DCDC1: variants seen among roughly 807,000 people sequenced by gnomAD.
DCDC1 encodes the protein doublecortin domain containing 1, also known as doublecortin domain-containing protein 1.
A neutral mutation model predicts 178.3 loss-of-function variants in DCDC1; 200 were observed. That is an observed-to-expected ratio of 1.12 (90% CI 1.00 to 1.26). The LOEUF is 1.26. DCDC1 is among the 50% of genes most tolerant of loss of function. The pLI, the probability that DCDC1 is intolerant of heterozygous loss-of-function variation, is 0.00. For synonymous variants in DCDC1, 690 were observed against 604.8 expected (o/e 1.14, Z -2.07); for missense variants, 1,983 against 1,749.2 (o/e 1.13, Z -2.38).
intron 9 of DCDC1, among the ~76,000 whole-genome samples, chr11:31,207,397 T>A (rs1233246788): frequency 2.0e-5 from 3 of 152,236 alleles, no homozygotes; most frequent in Non-Finnish European, 4.4e-5. Context: ...CTTTGATGAA[T>A]TCTTTCTTCC....
intron 9 of DCDC1, among the ~76,000 whole-genome samples, chr11:31,185,656 C>T (rs1358367299): frequency 6.6e-6 from 1 of 152,252 alleles, no homozygotes; most frequent in Non-Finnish European, 1.5e-5. Context: ...TGGTTTTCTG[C>T]CTTGCTTTAA....
At chr11:31,004,554 G>C (rs186515231) in intron 20 of DCDC1, among the ~76,000 whole-genome samples, 6 of 151,592 alleles carry the variant, frequency 4.0e-5, no homozygotes, top group South Asian at 4.2e-4. Flanking sequence ...GTGGAGGCAG[G>C]CTCCTGTAGT....
rs138350584 is a variant in DCDC1 at position 31,324,047 on chromosome 11, T to C, written c.164+4070A>G. On this transcript the variant is annotated intron_variant, in intron 3 of 38. Transcript: ENST00000684477. Reference sequence around the variant, plus strand: ...TTCTAGTTTGGCCTAAAAATGTGTATAAGGGTTTTTCCAACTGCAGAGCAA... The same window carrying C: ...TTCTAGTTTGGCCTAAAAATGTGTACAAGGGTTTTTCCAACTGCAGAGCAA... Among the ~76,000 whole-genome samples the C allele has an allele frequency of 3.5e-4, 54 of 152,252 alleles. No homozygotes were observed. The East Asian group carries it at 0.01, about 29-fold the overall frequency.
intron 38 of DCDC1, among the ~76,000 whole-genome samples, chr11:30,865,547 TTTG>T (rs1182330644): frequency 1.3e-5 from 2 of 152,140 alleles, no homozygotes; most frequent in African/African-American, 4.8e-5. Context: ...GAAATCTAAT[TTTG>T]TTTTCATAGC....
At chr11:31,138,098 TA>T (rs5790851) in intron 9 of DCDC1, among the ~76,000 whole-genome samples, 85,665 of 151,776 alleles carry the variant, frequency 0.56, 25,081 homozygotes, top group East Asian at 0.93. Context: ...AGCAACTTTT[TA>T]AAAAAAAATT....
intron 9 of DCDC1, among the ~76,000 whole-genome samples, chr11:31,166,386 C>T (rs1039625229): frequency 6.6e-6 from 1 of 152,094 alleles, no homozygotes. Context: ...AAATTGGATG[C>T]TAAGTAGATA....
intron 8 of DCDC1, among the ~76,000 whole-genome samples, chr11:31,253,382 A>G (rs1377984673): frequency 3.6e-5 from 5 of 140,072 alleles, no homozygotes; most frequent in African/African-American, 1.1e-4. Flanking sequence ...TTTGAGATGG[A>G]GTCTTGCTCT....
intron 20 of DCDC1, among the ~76,000 whole-genome samples, chr11:30,954,139 C>T (rs958239499): frequency 1.2e-4 from 18 of 151,570 alleles, no homozygotes; most frequent in Admixed American, 5.9e-4. Context: ...CCTCAGCCTC[C>T]GGAGTAGCTG....
chr11:30,894,779 C>T (rs1027667647), intron 34 of DCDC1, among the ~76,000 whole-genome samples: 3 of 152,122 alleles, frequency 2.0e-5, no homozygotes, highest in East Asian at 3.9e-4. Context: ...TAAGCCTTTC[C>T]CCCACAATTA....
intron 8 of DCDC1, among the ~76,000 whole-genome samples, chr11:31,252,239 C>T (rs999959212): frequency 2.0e-5 from 3 of 151,992 alleles, no homozygotes; most frequent in African/African-American, 7.2e-5. Flanking sequence ...AGTTGGAATG[C>T]TTACTAAATT....
At chr11:31,029,135 T>C (rs867750836) in intron 20 of DCDC1, among the ~76,000 whole-genome samples, 1 of 152,054 alleles carries the variant, frequency 6.6e-6, no homozygotes, top group Non-Finnish European at 1.5e-5. Context: ...ATAAAATTTA[T>C]CAAATCTCTC....
intron 10 of DCDC1, among the ~76,000 whole-genome samples, chr11:31,135,711 G>A (rs1381652289): frequency 6.6e-6 from 1 of 152,044 alleles, no homozygotes; most frequent in Non-Finnish European, 1.5e-5. Flanking sequence ...AAGACTTTTT[G>A]AGCCAGAGCT....
chr11:31,099,783 A>G (rs1235428379), intron 15 of DCDC1, among the ~76,000 whole-genome samples: 2 of 150,728 alleles, frequency 1.3e-5, no homozygotes, highest in East Asian at 2.0e-4. Context: ...CAGTGGCGCA[A>G]TCTCGGCTCA....
At chr11:31,104,888 T>C (rs1421563673) in intron 13 of DCDC1, among the ~76,000 whole-genome samples, 1 of 152,050 alleles carries the variant, frequency 6.6e-6, no homozygotes, top group African/African-American at 2.4e-5. Flanking sequence ...TTTTTTCAAA[T>C]TTCCTTAGAT....
chr11:30,944,093 C>T (rs1188044303), intron 21 of DCDC1: 1 of 246,082 alleles, frequency 4.1e-6, no homozygotes, highest in African/African-American at 2.3e-5. Context: ...GACAATCAGC[C>T]CAGCTGATCT....
At chr11:31,186,895 T>C (rs1969568393) in intron 9 of DCDC1, among the ~76,000 whole-genome samples, 1 of 152,160 alleles carries the variant, frequency 6.6e-6, no homozygotes. Context: ...ATGCATCCCT[T>C]TGAATTGGCT....
intron 20 of DCDC1, among the ~76,000 whole-genome samples, chr11:30,990,559 A>C (rs1284380613): frequency 6.6e-6 from 1 of 152,186 alleles, no homozygotes; most frequent in Non-Finnish European, 1.5e-5. Flanking sequence ...CCAGGGAGAC[A>C]TAGGAAAGGT....
chr11:31,018,216 G>C (rs1265145426), intron 20 of DCDC1, among the ~76,000 whole-genome samples: 1 of 152,070 alleles, frequency 6.6e-6, no homozygotes, highest in East Asian at 1.9e-4. Flanking sequence ...ATGTTTAATG[G>C]CGTTTATACC....
intron 18 of DCDC1, among the ~76,000 whole-genome samples, chr11:31,076,872 G>T (rs1237375883): frequency 2.6e-5 from 4 of 152,060 alleles, no homozygotes; most frequent in African/African-American, 9.7e-5. Context: ...GGAGGAGGTA[G>T]ATCACAGAGG....
Sources: gnomAD v4.1 joint callset for allele counts (sites outside exome capture counted in the v4.1 genomes callset) on GRCh38, gnomAD v4.1.1 for gene constraint, MANE v1.5 for transcripts, NCBI Gene and HGNC (gene_info 2026-07-23, HGNC 2026-07-21) for gene names.